Variants in EML6 observed in about 807,000 individuals in gnomAD.
EML6 encodes echinoderm microtubule-associated protein-like 6.
A neutral mutation model predicts 240.1 loss-of-function variants in EML6; 154 were observed. That is an observed-to-expected ratio of 0.64 (90% CI 0.56 to 0.73). EML6 has a LOEUF of 0.73. Ranked by LOEUF, EML6 falls within the 30% of genes least tolerant of loss-of-function variation. The pLI is 0.00. For missense variants in EML6, 2,964 were observed against 2,474.6 expected (o/e 1.20, Z -4.20); for synonymous variants, 1,148 against 899.0 (o/e 1.28, Z -4.95).
intron 2 of EML6, among the ~76,000 whole-genome samples, chr2:54,811,096 TC>T (rs1378239439): frequency 6.6e-6 from 1 of 152,100 alleles, no homozygotes; most frequent in Non-Finnish European, 1.5e-5. Context: ...CTCTTCTTTA[TC>T]CCCTCTACCC....
Position 54,838,187 on chromosome 2 carries a change from T to A in EML6, c.848-5860T>A, listed in dbSNP as rs1025716789. ...TAGGGCACTTCATAGTTCCTGGCAC[T>A]GCCACCTTACAGGGCTCGGATGTGA... On this transcript the variant is annotated intron_variant, in intron 7 of 41. Coordinates refer to ENST00000356458, the MANE Select transcript of EML6 (RefSeq NM_001039753.4). 3.9e-5 allele frequency among the ~76,000 whole-genome samples: 6 copies of A among 152,372 alleles called. No homozygotes were observed. The East Asian group carries it at 1.2e-3, about 29-fold the overall frequency.
At chr2:54,887,722 C>T (rs1244093436) in intron 17 of EML6, among the ~76,000 whole-genome samples, 1 of 152,084 alleles carries the variant, frequency 6.6e-6, no homozygotes, top group Non-Finnish European at 1.5e-5. Flanking sequence ...CATATGGCTA[C>T]CAAGGTGTTC....
chr2:54,859,725 A>G, intron 12 of EML6, 24 bp downstream of exon 12: 3 of 1,512,146 alleles, frequency 2.0e-6, no homozygotes, highest in African/African-American at 1.4e-5. Flanking sequence ...TAATTTCTTA[A>G]CATCATTTTA....
intron 32 of EML6, among the ~76,000 whole-genome samples, chr2:54,954,473 C>A (rs1166558508): frequency 1.3e-5 from 2 of 152,212 alleles, no homozygotes; most frequent in Non-Finnish European, 2.9e-5. Context: ...TCTTAGCCAC[C>A]TTCCTACCCA....
chr2:54,942,405 T>C (rs1359416788), intron 28 of EML6, among the ~76,000 whole-genome samples: 2 of 152,180 alleles, frequency 1.3e-5, no homozygotes, highest in African/African-American at 2.4e-5. Context: ...CTGATTCTTT[T>C]AGGCAAGTGT....
At chr2:54,904,536 C>T (rs572263946) in intron 24 of EML6, among the ~76,000 whole-genome samples, 13 of 152,180 alleles carry the variant, frequency 8.5e-5, no homozygotes, top group African/African-American at 2.6e-4. Context: ...CACCAGATAG[C>T]GCTATCAAGG....
chr2:54,786,812 G>T (rs1284213888), intron 2 of EML6, among the ~76,000 whole-genome samples: 1 of 152,166 alleles, frequency 6.6e-6, no homozygotes, highest in African/African-American at 2.4e-5. Flanking sequence ...CCTTTCCTCG[G>T]AATTCATTCC....
intron 37 of EML6, 98 bp downstream of exon 37, chr2:54,964,256 G>A: frequency 1.6e-6 from 2 of 1,252,504 alleles, no homozygotes; most frequent in Non-Finnish European, 2.2e-6. Flanking sequence ...GAACTCAGTT[G>A]TGAGAGGGTC....
At chr2:54,905,559 A>C (rs1321687726) in intron 24 of EML6, among the ~76,000 whole-genome samples, 1 of 152,206 alleles carries the variant, frequency 6.6e-6, no homozygotes, top group African/African-American at 2.4e-5. Flanking sequence ...AAAATGTACC[A>C]TTTTAATCAT....
chr2:54,932,677 C>A (rs1190614500), intron 28 of EML6, among the ~76,000 whole-genome samples: 1 of 152,132 alleles, frequency 6.6e-6, no homozygotes, highest in African/African-American at 2.4e-5. Context: ...TTTTTCAGAG[C>A]AATTTAAGAT....
chr2:54,851,398 G>A (rs1313818967), intron 10 of EML6, among the ~76,000 whole-genome samples: 1 of 152,122 alleles, frequency 6.6e-6, no homozygotes, highest in Non-Finnish European at 1.5e-5. Flanking sequence ...GGGTGACAGA[G>A]TGAGACTCCA....
chr2:54,817,592 T>C (rs1382142047), intron 4 of EML6, among the ~76,000 whole-genome samples: 4 of 152,222 alleles, frequency 2.6e-5, no homozygotes, highest in African/African-American at 4.8e-5. Flanking sequence ...CTGGGCCACA[T>C]TGGAAGAATT....
intron 2 of EML6, among the ~76,000 whole-genome samples, chr2:54,759,410 A>G (rs932458247): frequency 2.6e-5 from 4 of 151,910 alleles, no homozygotes; most frequent in Admixed American, 6.6e-5. Flanking sequence ...TAGTGGTGGT[A>G]ACTATTATAA....
chr2:54,853,824 T>G lies in EML6; in HGVS notation c.1626T>G (p.Val542=). 6.4e-7 allele frequency: 1 copy of G among 1,551,346 alleles called. No homozygotes were observed. ...VLVSGDDFGL[V]KLFKFPCLKR... is the part of the protein sequence containing the mutation. ...TGTCTGGAGATGATTTTGGACTGGTTAAATTGTTTAAATTTCCTTGTCTCA... is the reference window on the plus strand; with the variant it reads ...TGTCTGGAGATGATTTTGGACTGGTGAAATTGTTTAAATTTCCTTGTCTCA... Residue 542 remains valine, a synonymous_variant, in exon 11 of 42, where the codon GTT becomes GTG. Transcript: ENST00000356458.
rs373782743 is a variant in EML6 at position 54,937,167 on chromosome 2, A to G, written c.4004+8416A>G. ...GGTGCACATGCCTGTAATCCCAGCT[A>G]CTTGAGAGGCTGAGGCAGGAGAATT... is the stretch of plus-strand genomic sequence containing the variant. On this transcript the variant is annotated intron_variant, in intron 28 of 41. Coordinates refer to ENST00000356458, the MANE Select transcript of EML6 (RefSeq NM_001039753.4). 1.9e-4 allele frequency among the ~76,000 whole-genome samples: 29 copies of G among 152,008 alleles called. No homozygotes were observed. The East Asian group carries it at 5.2e-3, about 27-fold the overall frequency.
chr2:54,808,452 C>T (rs1430543007), intron 2 of EML6, among the ~76,000 whole-genome samples: 2 of 152,064 alleles, frequency 1.3e-5, no homozygotes, highest in Non-Finnish European at 2.9e-5. Flanking sequence ...GGAAAAGCTG[C>T]TCTCAAGGTT....
At chr2:54,946,768 A>G (rs967269097) in intron 28 of EML6, among the ~76,000 whole-genome samples, 1 of 152,200 alleles carries the variant, frequency 6.6e-6, no homozygotes, top group South Asian at 2.1e-4. Flanking sequence ...CGAAGGGTCA[A>G]TACTTAAAAT....
intron 7 of EML6, 71 bp from the exon 8 acceptor site, chr2:54,843,964 TTGTGTGTGTGTG>T (rs70944190): frequency 1.3e-4 from 84 of 658,708 alleles, no homozygotes; most frequent in Middle Eastern, 9.8e-4. Flanking sequence ...CTTTAGGGTT[TTGTGTGTGTGTG>T]TGTGTGTGTG....
At chr2:54,952,998 C>T (rs1301469173) in intron 31 of EML6, among the ~76,000 whole-genome samples, 1 of 152,100 alleles carries the variant, frequency 6.6e-6, no homozygotes, top group African/African-American at 2.4e-5. Context: ...TCTTTTGAAG[C>T]TGGTTATTGT....
Sources: allele counts gnomAD v4.1 joint callset (sites outside exome capture counted in the v4.1 genomes callset), GRCh38; gene constraint gnomAD v4.1.1; transcripts MANE v1.5; gene names NCBI Gene and HGNC (gene_info 2026-07-23, HGNC 2026-07-21).